FER1L5: variants seen among roughly 807,000 people sequenced by gnomAD.
The protein encoded by FER1L5 is fer-1-like protein 5.
Under a neutral mutation model 279.9 loss-of-function variants are expected in FER1L5, and 187 were observed. The observed-to-expected ratio is 0.67, with a 90% CI of 0.59 to 0.75. The LOEUF is 0.75. Ranked by LOEUF, FER1L5 falls within the 30% of genes least tolerant of loss-of-function variation. The pLI, the probability that FER1L5 is intolerant of heterozygous loss-of-function variation, is 0.00. For synonymous variants in FER1L5, 921 were observed against 989.7 expected, an observed-to-expected ratio of 0.93 and a Z score of 1.30; for missense variants, 2,091 against 2,594.4, an observed-to-expected ratio of 0.81 and a Z score of 4.21.
intron 43 of FER1L5, 74 bp downstream of exon 43, chr2:96,699,794 G>A: frequency 5.7e-6 from 9 of 1,589,386 alleles, no homozygotes; most frequent in Non-Finnish European, 7.7e-6. Flanking sequence ...CTTGGGAGAA[G>A]CCTGCATCCT....
At position 96,694,240 on chromosome 2, in the gene FER1L5, C is replaced by G. The variant is rs2077274058; in HGVS notation, c.3637-120C>G. The G allele has an allele frequency of 7.7e-7, 1 of 1,298,474 alleles. No homozygotes were observed. 80.4% of individuals were successfully genotyped at this position (1,298,474 alleles called of 1,614,324 possible). ...CTGACCAGCCTCTCCCCTAAGTCCC[C>G]CTGCCAGCCCCTACCCATGGGGCTC... On this transcript the variant is annotated intron_variant, in intron 33 of 52. Coordinates refer to ENST00000624922, the MANE Select transcript of FER1L5 (RefSeq NM_001293083.2). The surrounding 1 kb of genome is among the most constrained non-coding windows in gnomAD (Gnocchi z 4.6).
At position 96,689,393 on chromosome 2, in the gene FER1L5, C is replaced by A; in HGVS notation, c.2525+17C>A. ...TCAGAGAAGGTAAGGCCAGAGGGGG[C>A]AGGCCCCACCAGAGGGGACACTTCA... On this transcript the variant is annotated intron_variant, in intron 25 of 52. Coordinates refer to ENST00000624922, the MANE Select transcript of FER1L5 (RefSeq NM_001293083.2). The surrounding 1 kb of genome is among the most constrained non-coding windows in gnomAD (Gnocchi z 4.6). 1 of 1,545,056 alleles carries A rather than the reference C, an allele frequency of 6.5e-7. No individual in the cohort carries two copies. Among genetic ancestry groups the A allele is most frequent in the Non-Finnish European group, 8.7e-7 (1 of 1,145,448 alleles).
At chr2:96,647,968 C>A in intron 4 of FER1L5, 82 bp downstream of exon 4, 1 of 1,146,482 alleles carries the variant, frequency 8.7e-7, no homozygotes. Flanking sequence ...CACAAGAGTG[C>A]TTCCTGCTTG....
At position 96,659,176 on chromosome 2, in the gene FER1L5, G is replaced by A. The variant is rs1471481227; in HGVS notation, c.748-1165G>A. On this transcript the variant is annotated intron_variant, in intron 9 of 52. Transcript: ENST00000624922. ...TCTCGATCTCCTGACCTCGTGATCC[G>A]CCTGCCTCAGCCTCCCAAAGTGCTG... 2.0e-5 allele frequency among the ~76,000 whole-genome samples: 3 copies of A among 151,820 alleles called. No homozygotes were observed. In the East Asian group the frequency reaches 5.8e-4, roughly 29 times the overall value.
chr2:96,660,203 G>GA, intron 9 of FER1L5, 138 bp from the exon 10 acceptor site: 1 of 843,290 alleles, frequency 1.2e-6, no homozygotes, highest in Non-Finnish European at 1.9e-6. Flanking sequence ...CTACCTCTCA[G>GA]GCTGCTGTAA....
Position 96,703,092 on chromosome 2 carries a change from C to A in FER1L5, c.5497+15C>A. The A allele has an allele frequency of 6.2e-7, 1 of 1,613,764 alleles. No individual in the cohort carries two copies. Reference sequence around the variant, plus strand: ...CGACTTCCTAGGTGAGGTCCTGACACAGGGCTTGTGACCACAGGACAGGGA... The same window carrying A: ...CGACTTCCTAGGTGAGGTCCTGACAAAGGGCTTGTGACCACAGGACAGGGA... On this transcript the variant is annotated intron_variant, in intron 49 of 52. Coordinates refer to ENST00000624922, the MANE Select transcript of FER1L5 (RefSeq NM_001293083.2).
chr2:96,694,755 G>A lies in FER1L5; in HGVS notation c.3741+291G>A, dbSNP rs565322729. 1.2e-4 allele frequency: 33 copies of A among 278,314 alleles called. No individual in the cohort carries two copies. Among genetic ancestry groups the A allele is most frequent in the African/African-American group, 5.2e-4 (24 of 45,828 alleles). 17.2% of individuals were successfully genotyped at this position (278,314 alleles called of 1,614,324 possible). A position where few individuals can be genotyped will look rare whatever the true frequency, so the allele number is the denominator to read the frequency against. ...GCAGTAGCAACTACTTTGCAGAGAA[G>A]GAAATAGAGGCTCCAAGAGATAACA... On this transcript the variant is annotated intron_variant, in intron 34 of 52. Transcript: ENST00000624922. The surrounding 1 kb of genome is among the most constrained non-coding windows in gnomAD (Gnocchi z 4.6).
At chr2:96,669,302 G>A (rs577317366) in intron 17 of FER1L5, among the ~76,000 whole-genome samples, 165 bp downstream of exon 17, 119 of 152,310 alleles carry the variant, frequency 7.8e-4, no homozygotes, top group Non-Finnish European at 1.5e-3. Flanking sequence ...ATGTGGGACA[G>A]GCGTGGGGGC....
At chr2:96,696,195 C>A in intron 37 of FER1L5, 118 bp downstream of exon 37, 2 of 1,340,038 alleles carry the variant, frequency 1.5e-6, no homozygotes, top group South Asian at 1.3e-5. Context: ...TGAGGCCCAC[C>A]TCGCTCTGTA....
Position 96,701,988 on chromosome 2 carries a change from A to C in FER1L5, c.5104A>C (p.Lys1702Gln), listed in dbSNP as rs1344774738. The C allele has an allele frequency of 3.7e-6, 6 of 1,613,974 alleles. No homozygotes were observed. The highest frequency in any genetic ancestry group is 5.1e-6 in the Non-Finnish European group (6 of 1,179,882). Residue 1702 changes from lysine to glutamine, a missense_variant, in exon 46 of 53, where the codon AAG (lysine) becomes CAG (glutamine). Coordinates refer to ENST00000624922, the MANE Select transcript of FER1L5 (RefSeq NM_001293083.2). Reference sequence around the variant, plus strand: ...GCAAATGTGGGTGGACATCTTCCCCAAGAAGCTGGGGCCTCCTGGCCCCCA... The same window carrying C: ...GCAAATGTGGGTGGACATCTTCCCCCAGAAGCTGGGGCCTCCTGGCCCCCA... ...KVQMWVDIFP[K>Q]KLGPPGPQVN...
Position 96,702,858 on chromosome 2 carries a change from T to A in FER1L5, c.5397+117T>A. The A allele has an allele frequency of 2.0e-6, 3 of 1,532,236 alleles. No homozygotes were observed. Among genetic ancestry groups the A allele is most frequent in the Non-Finnish European group, 2.6e-6 (3 of 1,133,796 alleles). The allele number at this position is 1,532,236 out of a possible 1,614,324, so 94.9% of individuals were successfully genotyped here. A position where few individuals can be genotyped will look rare whatever the true frequency, so the allele number is the denominator to read the frequency against. On this transcript the variant is annotated intron_variant, in intron 48 of 52. Coordinates refer to ENST00000624922, the MANE Select transcript of FER1L5 (RefSeq NM_001293083.2). The surrounding 1 kb of genome is among the most constrained non-coding windows in gnomAD (Gnocchi z 4.0). ...TCTGTCCCAGAACATCAGAAACATG[T>A]CCTCAGGTGGAAACCCTCTTCCTTG...
In FER1L5 at chr2:96,687,752, G is replaced by A. The variant is rs149346395; in HGVS notation, c.2230-64G>A. Reference sequence around the variant, plus strand: ...AAGGGGCAGGTACAGCCCACTTGGGGGGTGGCCGGGGTGGCGTTCAGGGTG... The same window carrying A: ...AAGGGGCAGGTACAGCCCACTTGGGAGGTGGCCGGGGTGGCGTTCAGGGTG... On this transcript the variant is annotated intron_variant, in intron 23 of 52. Coordinates refer to ENST00000624922, the MANE Select transcript of FER1L5 (RefSeq NM_001293083.2). 2.7e-3 allele frequency: 4,101 copies of A among 1,538,550 alleles called. 17 individuals carry two copies. Among genetic ancestry groups the A allele is most frequent in the Non-Finnish European group, 3.1e-3 (3,505 of 1,138,820 alleles).
chr2:96,661,930 G>T (rs777620197), intron 12 of FER1L5, 139 bp downstream of exon 12: 9 of 1,270,862 alleles, frequency 7.1e-6, no homozygotes, highest in Non-Finnish European at 9.7e-6. Context: ...GACTGGAATT[G>T]CTCCCAGACT....
At chr2:96,652,338 C>T (rs2075416823) in intron 7 of FER1L5, 1 of 324,232 alleles carries the variant, frequency 3.1e-6, no homozygotes. Flanking sequence ...ATGTATGTCT[C>T]ATTGCTGCTG....
chr2:96,687,261 T>C (rs1157712562), intron 23 of FER1L5, among the ~76,000 whole-genome samples: 1 of 152,210 alleles, frequency 6.6e-6, no homozygotes, highest in Non-Finnish European at 1.5e-5. Context: ...ACTCTGGGCT[T>C]TCCTGGCCCC....
chr2:96,691,459 C>G lies in FER1L5; in HGVS notation c.2922C>G (p.Gly974=). Residue 974 remains glycine (G), a synonymous_variant, in exon 29 of 53, where the codon GGC becomes GGG. Transcript: ENST00000624922. This position sits in a 1 kb window ranked among gnomAD's most constrained non-coding sequence, Gnocchi z 6.0. ...CCCCACCACAGGGCCTGGCCAAGGG[C>G]GAGGAGGAGGGCTGGGAGTATGACA... ...LSFLQLGLAK[G]EEEGWEYDTF... The G allele has an allele frequency of 7.1e-6, 11 of 1,542,232 alleles. No homozygotes were observed. The highest frequency in any genetic ancestry group is 8.8e-6 in the Non-Finnish European group (10 of 1,142,278).
intron 31 of FER1L5, among the ~76,000 whole-genome samples, 157 bp from the exon 32 acceptor site, chr2:96,693,349 C>T (rs1166836383): frequency 2.0e-5 from 3 of 152,162 alleles, no homozygotes; most frequent in African/African-American, 7.2e-5. Context: ...GGCCCCGGTG[C>T]TCTGCAGCTG....
intron 18 of FER1L5, 63 bp downstream of exon 18, chr2:96,670,310 T>C: frequency 6.5e-7 from 1 of 1,539,488 alleles, no homozygotes; most frequent in Non-Finnish European, 8.8e-7. Context: ...GGATCTACTG[T>C]GGATCCCAGT....
chr2:96,657,160 G>T (rs1015516398), intron 9 of FER1L5, among the ~76,000 whole-genome samples: 48 of 151,220 alleles, frequency 3.2e-4, no homozygotes, highest in Admixed American at 1.8e-3. Context: ...TGCATCCTCT[G>T]CCTCCCAGGT....
Sources: allele counts gnomAD v4.1 joint callset (sites outside exome capture counted in the v4.1 genomes callset), GRCh38; gene constraint gnomAD v4.1.1; non-coding constraint Gnocchi (gnomAD v3.1); transcripts MANE v1.5; gene names NCBI Gene and HGNC (gene_info 2026-07-23, HGNC 2026-07-21).